Variants in ELAPOR2 observed in about 807,000 individuals in gnomAD.
ELAPOR2 encodes endosome/lysosome-associated apoptosis and autophagy regulator family member 2.
ELAPOR2 carries 89 observed loss-of-function variants against 120.7 expected under a neutral mutation model. The observed-to-expected ratio is 0.74, with a 90% CI of 0.62 to 0.88. ELAPOR2 has a LOEUF of 0.88. ELAPOR2 is among the 40% of genes least tolerant of loss of function. The probability of loss-of-function intolerance (pLI) is 0.00; values close to 1 mark genes in which losing one functional copy is unlikely to be tolerated. For synonymous variants in ELAPOR2, 444 were observed against 444.9 expected (o/e 1.00, Z 0.03); for missense variants, 1,134 against 1,251.6 (o/e 0.91, Z 1.42).
intron 1 of ELAPOR2, among the ~76,000 whole-genome samples, chr7:86,974,013 G>A (rs550247460): frequency 6.6e-6 from 1 of 151,626 alleles, no homozygotes; most frequent in East Asian, 1.9e-4. Context: ...CTCTTGAAGG[G>A]TCTTCACGTA....
At chr7:86,913,277 G>T in intron 13 of ELAPOR2, 73 bp from the exon 14 acceptor site, 1 of 1,442,842 alleles carries the variant, frequency 6.9e-7, no homozygotes, top group Non-Finnish European at 9.6e-7. Context: ...GTCTTCTGTT[G>T]ACATCATCAA....
chr7:86,882,666 C>A (rs1034544918), intron 21 of ELAPOR2, among the ~76,000 whole-genome samples: 1 of 152,034 alleles, frequency 6.6e-6, no homozygotes, highest in Admixed American at 6.6e-5. Context: ...TAAGATATGA[C>A]CCAAGTCCTA....
At chr7:87,018,908 G>A (rs1793952083) in intron 1 of ELAPOR2, among the ~76,000 whole-genome samples, 1 of 152,148 alleles carries the variant, frequency 6.6e-6, no homozygotes, top group African/African-American at 2.4e-5. Flanking sequence ...AGTATTCCAT[G>A]TTCAAACAAG....
At chr7:86,955,670 T>C (rs533845376) in intron 2 of ELAPOR2, among the ~76,000 whole-genome samples, 1 of 152,196 alleles carries the variant, frequency 6.6e-6, no homozygotes, top group South Asian at 2.1e-4. Flanking sequence ...CTGTGATATG[T>C]AATAATAACA....
At chr7:86,944,155 A>T (rs1790907931) in intron 4 of ELAPOR2, among the ~76,000 whole-genome samples, 1 of 152,088 alleles carries the variant, frequency 6.6e-6, no homozygotes, top group South Asian at 2.1e-4. Context: ...ATCTATAAGC[A>T]CAACACACAC....
intron 21 of ELAPOR2, chr7:86,891,517 C>T: frequency 2.1e-6 from 1 of 475,364 alleles, no homozygotes; most frequent in Admixed American, 3.8e-5. Context: ...TAACTCCTTA[C>T]TGATGATGTT....
At chr7:86,986,800 T>C (rs886838732) in intron 1 of ELAPOR2, among the ~76,000 whole-genome samples, 2 of 151,192 alleles carry the variant, frequency 1.3e-5, no homozygotes, top group Non-Finnish European at 2.9e-5. Context: ...CAATGCCATC[T>C]CTATCAAGCT....
At chr7:86,905,130 A>AAG (rs1355938615) in intron 18 of ELAPOR2, among the ~76,000 whole-genome samples, 259 of 92,964 alleles carry the variant, frequency 2.8e-3, no homozygotes, top group South Asian at 5.0e-3. Flanking sequence ...AAGGAAGGAA[A>AAG]GAAAGAAAAG....
chr7:86,968,894 G>T (rs902636397), intron 1 of ELAPOR2, among the ~76,000 whole-genome samples: 2 of 152,128 alleles, frequency 1.3e-5, no homozygotes, highest in African/African-American at 2.4e-5. Context: ...CAGTTATTTA[G>T]ACATTCTGCA....
At chr7:86,906,424 C>A (rs796602518) in intron 18 of ELAPOR2, among the ~76,000 whole-genome samples, 2 of 152,022 alleles carry the variant, frequency 1.3e-5, no homozygotes, top group South Asian at 4.1e-4. Flanking sequence ...AGTGGAAACA[C>A]GCAGTTGGTG....
intron 1 of ELAPOR2, among the ~76,000 whole-genome samples, chr7:87,046,558 G>A (rs532920092): frequency 6.4e-4 from 97 of 152,240 alleles, no homozygotes; most frequent in Middle Eastern, 3.4e-3. Context: ...CCCATGTGTC[G>A]ACGGAGGGAA....
rs1795073228 is a variant in ELAPOR2 at position 87,050,643 on chromosome 7, G to A, written c.189+8682C>T. ...TGCGAGAACGGCCTAATACAGTCTT[G>A]TATTAATGAAGCCTTAGAAGGGTGT... On this transcript the variant is annotated intron_variant, in intron 1 of 21. Transcript: ENST00000450689. 2.0e-5 allele frequency among the ~76,000 whole-genome samples: 3 copies of A among 152,148 alleles called. No homozygotes were observed. The South Asian group carries it at 6.2e-4, about 32-fold the overall frequency.
At chr7:86,932,790 G>C (rs1790388468) in intron 8 of ELAPOR2, among the ~76,000 whole-genome samples, 1 of 151,748 alleles carries the variant, frequency 6.6e-6, no homozygotes. Context: ...TTAAAGCTTG[G>C]ATTTCCCTGG....
intron 5 of ELAPOR2, among the ~76,000 whole-genome samples, chr7:86,940,474 C>T (rs1482920439): frequency 6.6e-6 from 1 of 151,924 alleles, no homozygotes; most frequent in Non-Finnish European, 1.5e-5. Context: ...TTATAAGTTG[C>T]CACTATTTAT....
intron 1 of ELAPOR2, among the ~76,000 whole-genome samples, chr7:87,041,874 G>T (rs373916495): frequency 6.6e-6 from 1 of 151,776 alleles, no homozygotes; most frequent in South Asian, 2.1e-4. Flanking sequence ...CCCATCTCAC[G>T]TGCAGAGACA....
intron 18 of ELAPOR2, among the ~76,000 whole-genome samples, chr7:86,906,175 A>G (rs908116600): frequency 2.6e-5 from 4 of 152,124 alleles, no homozygotes; most frequent in African/African-American, 9.7e-5. Context: ...TAAGCACCTG[A>G]ACTCAGAACT....
At chr7:87,017,777 C>T (rs1167222498) in intron 1 of ELAPOR2, among the ~76,000 whole-genome samples, 1 of 151,892 alleles carries the variant, frequency 6.6e-6, no homozygotes, top group Non-Finnish European at 1.5e-5. Flanking sequence ...AAAAATTAGC[C>T]GGGCATAATG....
intron 7 of ELAPOR2, among the ~76,000 whole-genome samples, chr7:86,938,513 G>T (rs183237129): frequency 1.1e-4 from 17 of 151,982 alleles, no homozygotes; most frequent in Admixed American, 5.9e-4. Context: ...TTCTATATAC[G>T]TCTCTACACC....
At chr7:86,949,836 GC>G (rs1227990060) in intron 2 of ELAPOR2, among the ~76,000 whole-genome samples, 1 of 152,228 alleles carries the variant, frequency 6.6e-6, no homozygotes, top group African/African-American at 2.4e-5. Context: ...TGGCCTGCAG[GC>G]ACTCCTTGAC....
Sources: gnomAD v4.1 joint callset for allele counts (sites outside exome capture counted in the v4.1 genomes callset) on GRCh38, gnomAD v4.1.1 for gene constraint, MANE v1.5 for transcripts, NCBI Gene and HGNC (gene_info 2026-07-23, HGNC 2026-07-21) for gene names.